MGST1: variants seen among roughly 807,000 people sequenced by gnomAD.
The protein encoded by MGST1 is glutathione S-transferase 12.
Under a neutral mutation model 8.9 loss-of-function variants are expected in MGST1, and 5 were observed. That is an observed-to-expected ratio of 0.56 (90% CI 0.29 to 1.19). MGST1 has a LOEUF of 1.19. Ranked by LOEUF, MGST1 falls within the 50% of genes most tolerant of loss-of-function variation. MGST1 has a pLI of 0.08. For synonymous variants in MGST1, 54 were observed against 67.8 expected (o/e 0.80, Z 1.00); for missense variants, 182 against 187.4 (o/e 0.97, Z 0.17).
At chr12:16,472,513 C>G (rs1941295498) in intron 4 of MGST1, among the ~76,000 whole-genome samples, 1 of 149,532 alleles carries the variant, frequency 6.7e-6, no homozygotes, top group Non-Finnish European at 1.5e-5. Flanking sequence ...AAAATGTTTT[C>G]AGTTTTGAGC....
At chr12:16,423,525 C>T (rs1207416464) in intron 1 of MGST1, among the ~76,000 whole-genome samples, 1 of 136,930 alleles carries the variant, frequency 7.3e-6, no homozygotes, top group African/African-American at 2.7e-5. Context: ...AAACAATTCT[C>T]TGATATTTTG....
intron 4 of MGST1, among the ~76,000 whole-genome samples, chr12:16,498,140 A>G (rs1591745406): frequency 6.6e-6 from 1 of 152,178 alleles, no homozygotes; most frequent in Non-Finnish European, 1.5e-5. Flanking sequence ...AGGAAACACT[A>G]CTTCGAGTGT....
intron 1 of MGST1, chr12:16,402,015 A>G: frequency 1.2e-6 from 2 of 1,605,248 alleles, no homozygotes; most frequent in East Asian, 2.2e-5. Flanking sequence ...TTTGCTGAAC[A>G]CTCCAATCTT....
chr12:16,519,669 T>G (rs1283081289), intron 4 of MGST1, among the ~76,000 whole-genome samples: 1 of 152,172 alleles, frequency 6.6e-6, no homozygotes, highest in African/African-American at 2.4e-5. Flanking sequence ...TTCAGCTGAC[T>G]ACAACTCTGT....
intron 4 of MGST1, among the ~76,000 whole-genome samples, chr12:16,478,496 C>A (rs1451910765): frequency 6.6e-6 from 1 of 152,070 alleles, no homozygotes; most frequent in Non-Finnish European, 1.5e-5. Flanking sequence ...GCCACTTTTC[C>A]AAACCTATGT....
chr12:16,421,777 C>A (rs1225137143), intron 1 of MGST1, among the ~76,000 whole-genome samples: 2 of 152,104 alleles, frequency 1.3e-5, no homozygotes, highest in African/African-American at 4.8e-5. Flanking sequence ...AAGACTGTAA[C>A]CCCTGGCAAT....
At chr12:16,354,638 A>G (rs1939627361) in intron 2 of MGST1, 1 of 244,892 alleles carries the variant, frequency 4.1e-6, no homozygotes, top group Non-Finnish European at 7.7e-6. Context: ...ATATTCTGGA[A>G]TATCAAAGTT....
intron 1 of MGST1, among the ~76,000 whole-genome samples, chr12:16,385,247 G>T (rs1300274525): frequency 6.6e-6 from 1 of 152,202 alleles, no homozygotes; most frequent in African/African-American, 2.4e-5. Context: ...CTTGAAAAGA[G>T]AAATTTTAAT....
intron 4 of MGST1, among the ~76,000 whole-genome samples, chr12:16,487,657 T>A (rs1455037177): frequency 6.6e-6 from 1 of 152,124 alleles, no homozygotes; most frequent in Non-Finnish European, 1.5e-5. Context: ...TGATAGAGAC[T>A]TTTTTTAAGA....
chr12:16,483,019 G>A (rs143008011), intron 4 of MGST1, among the ~76,000 whole-genome samples: 18 of 152,268 alleles, frequency 1.2e-4, no homozygotes, highest in African/African-American at 3.6e-4. Flanking sequence ...AGCTTTATGT[G>A]GATAGCTACA....
chr12:16,479,925 C>T (rs1941353641), intron 4 of MGST1, among the ~76,000 whole-genome samples: 1 of 152,006 alleles, frequency 6.6e-6, no homozygotes, highest in African/African-American at 2.4e-5. Context: ...TTTTAAAACA[C>T]CTGTTAGCCT....
Position 16,414,334 on chromosome 12 carries a change from T to C in MGST1, n.779-23054T>C, listed in dbSNP as rs564850216. ...ACTGACCAGACTTGAAAGATTTATG[T>C]TTTCCTCCGTATTACCTGATTTCTT... On this transcript the variant is annotated intron_variant and non_coding_transcript_variant, in intron 1 of 1. Transcript: ENST00000359720. Among the ~76,000 whole-genome samples, 13 of 150,890 alleles carry C rather than the reference T, an allele frequency of 8.6e-5. No individual in the cohort carries two copies. The South Asian group carries it at 2.7e-3, about 31-fold the overall frequency.
chr12:16,399,777 C>A (rs1267360144), intron 1 of MGST1: 8 of 1,180,886 alleles, frequency 6.8e-6, no homozygotes, highest in Non-Finnish European at 1.0e-5. Flanking sequence ...GGAATTCAAC[C>A]ATTCCTTGAT....
At chr12:16,575,393 T>C (rs947254313) in intron 4 of MGST1, among the ~76,000 whole-genome samples, 12 of 152,168 alleles carry the variant, frequency 7.9e-5, no homozygotes, top group Non-Finnish European at 1.6e-4. Flanking sequence ...GACAAATTAG[T>C]CCAAAGATTT....
At chr12:16,449,569 G>A (rs1941112776) in intron 4 of MGST1, among the ~76,000 whole-genome samples, 1 of 151,852 alleles carries the variant, frequency 6.6e-6, no homozygotes, top group African/African-American at 2.4e-5. Flanking sequence ...AAAAATCCAT[G>A]GCCATCTGCC....
At chr12:16,418,655 G>A (rs976228023) in intron 1 of MGST1, among the ~76,000 whole-genome samples, 2 of 152,108 alleles carry the variant, frequency 1.3e-5, no homozygotes, top group Admixed American at 1.3e-4. Context: ...GAAGCAGATA[G>A]CCTGTGTTTA....
chr12:16,501,547 A>G (rs760353567), intron 4 of MGST1, among the ~76,000 whole-genome samples: 1 of 152,228 alleles, frequency 6.6e-6, no homozygotes, highest in Non-Finnish European at 1.5e-5. Context: ...AACCCTGGTC[A>G]ACAATGAAGG....
chr12:16,388,088 A>C (rs1044903232), intron 1 of MGST1, among the ~76,000 whole-genome samples: 6 of 151,832 alleles, frequency 4.0e-5, no homozygotes, highest in African/African-American at 1.5e-4. Flanking sequence ...TAAGCAATAC[A>C]TGACTGTATA....
Position 16,401,880 on chromosome 12 carries a change from T to C in MGST1, n.778+18276T>C. On this transcript the variant is annotated intron_variant and non_coding_transcript_variant, in intron 1 of 1. Coordinates refer to the MGST1 transcript ENST00000359720. The surrounding 1 kb of genome is among the most constrained non-coding windows in gnomAD (Gnocchi z 4.3). ...GATGCCAGCTGCTTTCTTCATTAATTTGAGCTCCCCATCCTCCCTTACAGC... is the reference window on the plus strand; with the variant it reads ...GATGCCAGCTGCTTTCTTCATTAATCTGAGCTCCCCATCCTCCCTTACAGC... The C allele has an allele frequency of 1.9e-6, 3 of 1,604,146 alleles. No homozygotes were observed. The highest frequency in any genetic ancestry group is 2.6e-6 in the Non-Finnish European group (3 of 1,170,902).
Sources: gnomAD v4.1 joint callset for allele counts (sites outside exome capture counted in the v4.1 genomes callset) on GRCh38, gnomAD v4.1.1 for gene constraint, Gnocchi (gnomAD v3.1) non-coding constraint, MANE v1.5 for transcripts, NCBI Gene and HGNC (gene_info 2026-07-23, HGNC 2026-07-21) for gene names.